The following ELAPOR2 variants were observed in gnomAD, a reference collection of about 807,000 sequenced individuals.
ELAPOR2 encodes the protein endosome-lysosome associated apoptosis and autophagy regulator family member 2.
In ELAPOR2, 89 loss-of-function variants were observed where a neutral mutation model predicts 120.7. The ratio of observed to expected loss-of-function variants is 0.74; its 90% CI spans 0.62 to 0.88. The LOEUF (loss-of-function observed/expected upper bound fraction) is 0.88. Ranked by LOEUF, ELAPOR2 falls within the 40% of genes least tolerant of loss-of-function variation. The pLI, the probability that ELAPOR2 is intolerant of heterozygous loss-of-function variation, is 0.00. For synonymous variants in ELAPOR2, 444 were observed against 444.9 expected (o/e 1.00, Z 0.03); for missense variants, 1,134 against 1,251.6 (o/e 0.91, Z 1.42).
Position 86,878,916 on chromosome 7 carries a change from G to A in ELAPOR2, c.*1555C>T, listed in dbSNP as rs1799272847. ...ACATTCATTCAATAATAACAGAATG[G>A]TCTAGTGTATTACCAATCAGCCAAA... On this transcript the variant is annotated 3_prime_UTR_variant, in exon 22 of 22. Coordinates refer to ENST00000450689, the MANE Select transcript of ELAPOR2 (RefSeq NM_001142749.3). 1 of 152,084 alleles carries A rather than the reference G, an allele frequency of 6.6e-6. No individual in the cohort carries two copies. The highest frequency in any genetic ancestry group is 6.6e-5 in the Admixed American group (1 of 15,264). 9.4% of individuals were successfully genotyped at this position (152,084 alleles called of 1,614,324 possible).
At chr7:86,905,068 AGAGAAG>A (rs1788910959) in intron 18 of ELAPOR2, among the ~76,000 whole-genome samples, 2 of 140,954 alleles carry the variant, frequency 1.4e-5, no homozygotes, top group African/African-American at 5.5e-5. Context: ...AGACAGAGAG[AGAGAAG>A]GAAGGAAGGA....
At chr7:87,024,502 C>A (rs1442676755) in intron 1 of ELAPOR2, among the ~76,000 whole-genome samples, 1 of 152,172 alleles carries the variant, frequency 6.6e-6, no homozygotes, top group Non-Finnish European at 1.5e-5. Flanking sequence ...CAATGTTCAT[C>A]AGGGATATTG....
intron 8 of ELAPOR2, among the ~76,000 whole-genome samples, chr7:86,936,623 A>T (rs909327794): frequency 6.6e-6 from 1 of 152,044 alleles, no homozygotes; most frequent in African/African-American, 2.4e-5. Flanking sequence ...TTCAAATTTC[A>T]CTCAGACACA....
chr7:87,009,478 A>C (rs538111589), intron 1 of ELAPOR2, among the ~76,000 whole-genome samples: 1 of 152,296 alleles, frequency 6.6e-6, no homozygotes, highest in South Asian at 2.1e-4. Flanking sequence ...TACTTGAAAA[A>C]CAGTTTGAGG....
At chr7:86,886,896 A>T (rs919610819) in intron 21 of ELAPOR2, among the ~76,000 whole-genome samples, 3 of 152,132 alleles carry the variant, frequency 2.0e-5, no homozygotes, top group Non-Finnish European at 4.4e-5. Flanking sequence ...GCCCAGTGGT[A>T]TCCACTGGCT....
At position 86,947,720 on chromosome 7, in the gene ELAPOR2, T is replaced by G. The variant is rs1442346655; in HGVS notation, c.506+7A>C. 6 of 1,548,574 alleles carry G rather than the reference T, an allele frequency of 3.9e-6. No homozygotes were observed. In the African/African-American group the frequency reaches 6.9e-5, roughly 18 times the overall value. On this transcript the variant is annotated splice_region_variant and intron_variant, in intron 3 of 21. Transcript: ENST00000450689. Reference sequence around the variant, plus strand: ...GTTAAGAGCCAAAGGCTGCTTTGGATTCTTACTTGTTACAGCCGTCTGGCC... The same window carrying G: ...GTTAAGAGCCAAAGGCTGCTTTGGAGTCTTACTTGTTACAGCCGTCTGGCC...
intron 19 of ELAPOR2, 59 bp downstream of exon 19, chr7:86,897,447 T>C: frequency 6.4e-7 from 1 of 1,568,636 alleles, no homozygotes; most frequent in South Asian, 1.2e-5. Flanking sequence ...TTTCTATGAT[T>C]TGATGCCAGA....
chr7:86,966,738 C>A (rs1247608151), intron 1 of ELAPOR2, among the ~76,000 whole-genome samples: 1 of 152,144 alleles, frequency 6.6e-6, no homozygotes, highest in Non-Finnish European at 1.5e-5. Flanking sequence ...AGTTCAAAAG[C>A]TGTATTACAA....
At chr7:86,983,886 A>G (rs1293356963) in intron 1 of ELAPOR2, among the ~76,000 whole-genome samples, 2 of 152,218 alleles carry the variant, frequency 1.3e-5, no homozygotes, top group African/African-American at 4.8e-5. Context: ...AAAGACACAG[A>G]CTGGCAAATT....
chr7:86,980,897 T>C (rs977961578), intron 1 of ELAPOR2, among the ~76,000 whole-genome samples: 32 of 152,322 alleles, frequency 2.1e-4, no homozygotes, highest in Admixed American at 5.9e-4. Context: ...CCACTGATCC[T>C]GCATATTGGT....
chr7:86,908,395 A>G lies in ELAPOR2; in HGVS notation c.2456+52T>C, dbSNP rs1015344895. 5 of 916,348 alleles carry G rather than the reference A, an allele frequency of 5.5e-6. No individual in the cohort carries two copies. In the East Asian group the frequency reaches 1.2e-4, roughly 23 times the overall value. 56.8% of individuals were successfully genotyped at this position (916,348 alleles called of 1,614,324 possible). ...ATATGAGTATTGGTGTTCCATATATATAAGTTTCTTTTGGTTAAAATATAG... is the reference window on the plus strand; with the variant it reads ...ATATGAGTATTGGTGTTCCATATATGTAAGTTTCTTTTGGTTAAAATATAG... On this transcript the variant is annotated intron_variant, in intron 17 of 21. Transcript: ENST00000450689.
intron 1 of ELAPOR2, among the ~76,000 whole-genome samples, chr7:87,034,168 T>C (rs1348736769): frequency 2.0e-5 from 3 of 152,140 alleles, no homozygotes; most frequent in African/African-American, 7.2e-5. Flanking sequence ...TTGATATATG[T>C]AATAGAGGCA....
chr7:87,002,911 T>C (rs1793363755), intron 1 of ELAPOR2, among the ~76,000 whole-genome samples: 1 of 152,086 alleles, frequency 6.6e-6, no homozygotes, highest in South Asian at 2.1e-4. Flanking sequence ...AAACCTCCCA[T>C]GCTACATCCT....
At chr7:86,953,687 AATT>A (rs1791360373) in intron 2 of ELAPOR2, among the ~76,000 whole-genome samples, 1 of 152,220 alleles carries the variant, frequency 6.6e-6, no homozygotes, top group Non-Finnish European at 1.5e-5. Flanking sequence ...TACCGTATTT[AATT>A]TGAATCAATT....
chr7:87,013,122 T>C (rs1296653176), intron 1 of ELAPOR2, among the ~76,000 whole-genome samples: 1 of 152,180 alleles, frequency 6.6e-6, no homozygotes, highest in Non-Finnish European at 1.5e-5. Flanking sequence ...GAAGATAATA[T>C]ACCACAAGAA....
At chr7:87,033,920 C>G (rs151118059) in intron 1 of ELAPOR2, among the ~76,000 whole-genome samples, 1 of 151,576 alleles carries the variant, frequency 6.6e-6, no homozygotes, top group African/African-American at 2.4e-5. Flanking sequence ...GAAAACAGAC[C>G]AACAGAAAAA....
At chr7:87,056,699 T>C (rs1752758353) in intron 1 of ELAPOR2, among the ~76,000 whole-genome samples, 1 of 152,248 alleles carries the variant, frequency 6.6e-6, no homozygotes, top group South Asian at 2.1e-4. Context: ...ATGTAACTTT[T>C]ACCCATAACC....
At chr7:86,937,980 A>C (rs1255588773) in intron 8 of ELAPOR2, 146 bp downstream of exon 8, 1 of 585,900 alleles carries the variant, frequency 1.7e-6, no homozygotes, top group Non-Finnish European at 3.0e-6. Flanking sequence ...CCAGGAAGGC[A>C]GACTTCAAAC....
intron 1 of ELAPOR2, among the ~76,000 whole-genome samples, chr7:87,008,426 T>C (rs1440594438): frequency 1.3e-5 from 2 of 152,240 alleles, no homozygotes; most frequent in African/African-American, 2.4e-5. Context: ...AAGGTCATCA[T>C]TGAAACACTT....
Sources: allele counts gnomAD v4.1 joint callset (sites outside exome capture counted in the v4.1 genomes callset), GRCh38; gene constraint gnomAD v4.1.1; transcripts MANE v1.5; gene names NCBI Gene and HGNC (gene_info 2026-07-23, HGNC 2026-07-21).